Variants in PRKDC observed in about 807,000 individuals in gnomAD.
PRKDC encodes DNA-dependent protein kinase catalytic subunit.
PRKDC carries 82 observed loss-of-function variants against 486.9 expected under a neutral mutation model. That is an observed-to-expected ratio of 0.17 (90% CI 0.14 to 0.20). PRKDC has a LOEUF of 0.20. PRKDC is among the 10% of genes least tolerant of loss of function. The pLI is 1.00. For synonymous variants in PRKDC, 1,895 were observed against 1,837.0 expected (o/e 1.03, Z -0.81); for missense variants, 4,504 against 5,038.2 (o/e 0.89, Z 3.21).
chr8:47,841,969 G>A (rs1045892248), intron 54 of PRKDC, among the ~76,000 whole-genome samples: 4 of 152,110 alleles, frequency 2.6e-5, no homozygotes, highest in African/African-American at 9.7e-5. Context: ...GCACAACCAC[G>A]ACAACATCAC....
In PRKDC at chr8:47,776,966, C is replaced by A; in HGVS notation, c.12060G>T (p.Met4020Ile). 1 of 1,609,770 alleles carries A rather than the reference C, an allele frequency of 6.2e-7. No individual in the cohort carries two copies. Among genetic ancestry groups the A allele is most frequent in the Non-Finnish European group, 8.5e-7 (1 of 1,178,964 alleles). Residue 4020 changes from methionine (M) to isoleucine (I), a missense_variant, in exon 85 of 86, where the codon ATG (methionine) becomes ATT (isoleucine). By Grantham distance (10) the Met-to-Ile change is conservative (BLOSUM62 1). Transcript: ENST00000314191. ...SFDWKNFEQKMLKKGGSWIQE... is the reference protein window; with the variant it reads ...SFDWKNFEQKILKKGGSWIQE... Reference sequence around the variant, plus strand: ...GAATCCATGACCCTCCTTTTTTCAGCATTTTCTGTTCAAAATTCTAGAAGA... The same window carrying A: ...GAATCCATGACCCTCCTTTTTTCAGAATTTTCTGTTCAAAATTCTAGAAGA...
At chr8:47,813,093 A>ATTTATT (rs2087368285) in intron 68 of PRKDC, among the ~76,000 whole-genome samples, 8 of 148,090 alleles carry the variant, frequency 5.4e-5, no homozygotes, top group African/African-American at 1.8e-4. Flanking sequence ...ATAGAATTTT[A>ATTTATT]TATTTATTTA....
In PRKDC at chr8:47,782,249, C is replaced by A; in HGVS notation, c.11402G>T (p.Gly3801Val). 6.2e-7 allele frequency: 1 copy of A among 1,613,760 alleles called. No individual in the cohort carries two copies. Reference sequence around the variant, plus strand: ...AGTATTTTCAAGCCACTCAATTAATCCTAACCTGAAAGGGAGAATAAAAGG... The same window carrying A: ...AGTATTTTCAAGCCACTCAATTAATACTAACCTGAAAGGGAGAATAAAAGG... ...YSVVPMTSRL[G>V]LIEWLENTVT... Residue 3801 changes from glycine (G) to valine (V), a missense_variant, in exon 80 of 86, where the codon GGA (glycine) becomes GTA (valine). Physicochemically the swap from Gly to Val is moderately radical, Grantham distance 109. Coordinates refer to ENST00000314191, the MANE Select transcript of PRKDC (RefSeq NM_006904.7). The surrounding 1 kb of genome is among the most constrained non-coding windows in gnomAD (Gnocchi z 4.9).
Position 47,886,082 on chromosome 8 carries a change from T to C in PRKDC, c.4638A>G (p.Ser1546=), listed in dbSNP as rs2089322528. Residue 1546 remains serine, a synonymous_variant, in exon 36 of 86, where the codon TCA becomes TCG. Transcript: ENST00000314191. ...AVLSTASLGS[S]QGSVIHFSHG... is the part of the protein sequence containing the mutation. The stretch of plus-strand genomic sequence containing the variant: ...GGGAGAAGTGGATGACGCTGCCCTG[T>C]GAGCTGCCCAAGGACGCCGTGGACA... 1 of 1,613,526 alleles carries C rather than the reference T, an allele frequency of 6.2e-7. No individual in the cohort carries two copies. The highest frequency in any genetic ancestry group is 2.2e-5 in the East Asian group (1 of 44,890).
chr8:47,788,534 C>T (rs1018815983), intron 76 of PRKDC, among the ~76,000 whole-genome samples: 1 of 152,150 alleles, frequency 6.6e-6, no homozygotes, highest in East Asian at 1.9e-4. Flanking sequence ...GAACTGTGCC[C>T]CGAACTAAGT....
chr8:47,783,759 C>T lies in PRKDC; in HGVS notation c.11158G>A (p.Ala3720Thr), dbSNP rs370811908. Reference sequence around the variant, plus strand: ...ACACCTACCCGCTCATCAAACCCGGCGATTCGCACGTGGTACTCTGGCAAT... The same window carrying T: ...ACACCTACCCGCTCATCAAACCCGGTGATTCGCACGTGGTACTCTGGCAAT... ...KPLPEYHVRIAGFDERVTVMA... is the reference protein window; with the variant it reads ...KPLPEYHVRITGFDERVTVMA... The change falls in exon 78 of 86, where the codon GCC (alanine) becomes ACC (threonine). Residue 3720 changes from alanine to threonine, a missense_variant. Ala to Thr is a moderately conservative substitution (Grantham distance 58). This residue lies in a region of PRKDC where 706 missense variants were observed against 945.0 expected (regional missense o/e 0.75). Transcript: ENST00000314191. 1.2e-5 allele frequency: 19 copies of T among 1,613,810 alleles called. No homozygotes were observed. Among genetic ancestry groups the T allele is most frequent in the Non-Finnish European group, 1.5e-5 (18 of 1,179,894 alleles).
At chr8:47,877,537 T>C (rs2089115117) in intron 40 of PRKDC, among the ~76,000 whole-genome samples, 187 bp downstream of exon 40, 1 of 152,212 alleles carries the variant, frequency 6.6e-6, no homozygotes, top group African/African-American at 2.4e-5. Context: ...TTTATACTCT[T>C]CCTCTAGCTT....
Position 47,912,478 on chromosome 8 carries a change from G to A in PRKDC, c.2866C>T (p.Pro956Ser). 1 of 1,612,576 alleles carries A rather than the reference G, an allele frequency of 6.2e-7. No homozygotes were observed. Among genetic ancestry groups the A allele is most frequent in the Non-Finnish European group, 8.5e-7 (1 of 1,179,148 alleles). ...TQMPEGGQGA[P>S]PMYQLYKRTF... is the part of the protein sequence containing the mutation. ...CGCTTATAGAGCTGGTACATGGGTG[G>A]GGCTCCCTGTCCCCCTTCTGGCATC... The change falls in exon 25 of 86, where the codon CCA becomes TCA. Residue 956 changes from proline to serine, a missense_variant. This residue lies in a region of PRKDC where 1,969 missense variants were observed against 2,068.9 expected (regional missense o/e 0.95). Coordinates refer to ENST00000314191, the MANE Select transcript of PRKDC (RefSeq NM_006904.7).
chr8:47,898,584 A>G lies in PRKDC; in HGVS notation c.3365-15T>C. 6 of 1,340,880 alleles carry G rather than the reference A, an allele frequency of 4.5e-6. No homozygotes were observed. Among genetic ancestry groups the G allele is most frequent in the Non-Finnish European group, 5.9e-6 (6 of 1,023,340 alleles). The allele number at this position is 1,340,880 out of a possible 1,614,324, so 83.1% of individuals were successfully genotyped here. A position where few individuals can be genotyped will look rare whatever the true frequency, so the allele number is the denominator to read the frequency against. ...TTGAATTGTACCTGTTCTCAAGTACAGAGACATATTTCCAAAGAAGGCATA... is the reference window on the plus strand; with the variant it reads ...TTGAATTGTACCTGTTCTCAAGTACGGAGACATATTTCCAAAGAAGGCATA... On this transcript the variant is annotated splice_polypyrimidine_tract_variant and intron_variant, in intron 28 of 85. Transcript: ENST00000314191.
chr8:47,929,715 T>C (rs1354889477), intron 18 of PRKDC, 138 bp downstream of exon 18: 9 of 1,000,708 alleles, frequency 9.0e-6, no homozygotes, highest in East Asian at 3.0e-5. Flanking sequence ...CATTCACATA[T>C]CAATTTTTTT....
chr8:47,798,089 C>T, intron 73 of PRKDC, 148 bp downstream of exon 73: 1 of 819,782 alleles, frequency 1.2e-6, no homozygotes, highest in South Asian at 3.3e-5. Flanking sequence ...CTTTAAATTA[C>T]CTATGTCCTC....
At chr8:47,934,236 A>C in intron 14 of PRKDC, 146 bp from the exon 15 acceptor site, 1 of 1,055,268 alleles carries the variant, frequency 9.5e-7, no homozygotes, top group Non-Finnish European at 1.3e-6. Flanking sequence ...GTATTAAAAA[A>C]GCATAATTTA....
At position 47,830,595 on chromosome 8, in the gene PRKDC, A is replaced by G; in HGVS notation, c.8397+10T>C. On this transcript the variant is annotated intron_variant, in intron 61 of 85. Transcript: ENST00000314191. ...ACCTGTCAACAGAAAACGCAGCGGC[A>G]AAAACTGACCTGGGCCACGGCCTGT... 1.2e-6 allele frequency: 2 copies of G among 1,612,516 alleles called. No homozygotes were observed. The highest frequency in any genetic ancestry group is 1.7e-6 in the Non-Finnish European group (2 of 1,179,032).
At chr8:47,851,649 G>A (rs2088406807) in intron 52 of PRKDC, among the ~76,000 whole-genome samples, 1 of 152,168 alleles carries the variant, frequency 6.6e-6, no homozygotes, top group East Asian at 1.9e-4. Flanking sequence ...GCAAACTGGA[G>A]AATCATGAAC....
chr8:47,836,597 A>T, intron 57 of PRKDC, 70 bp from the exon 58 acceptor site: 1 of 1,302,768 alleles, frequency 7.7e-7, no homozygotes, highest in East Asian at 2.6e-5. Context: ...AGGAACACTG[A>T]TATATTTCTA....
intron 11 of PRKDC, among the ~76,000 whole-genome samples, chr8:47,937,645 T>C (rs531908126): frequency 6.6e-6 from 1 of 152,280 alleles, no homozygotes; most frequent in Admixed American, 6.5e-5. Flanking sequence ...TTCAGATCCA[T>C]TTCCCCTCTC....
rs8178201 is a variant in PRKDC at position 47,823,710 on chromosome 8, G to A, written c.8922+148C>T. On this transcript the variant is annotated intron_variant, in intron 64 of 85. Coordinates refer to ENST00000314191, the MANE Select transcript of PRKDC (RefSeq NM_006904.7). ...CTAACTTAAGTGAACAACCTATAAG[G>A]AAACCAATTTTCTTCCTCATCAACA... 3.9e-4 allele frequency: 347 copies of A among 899,456 alleles called. No individual in the cohort carries two copies. The African/African-American group carries it at 5.4e-3, about 14-fold the overall frequency. The allele number at this position is 899,456 out of a possible 1,614,324, so 55.7% of individuals were successfully genotyped here.
chr8:47,802,209 T>C (rs956707861), intron 70 of PRKDC, among the ~76,000 whole-genome samples: 13 of 152,180 alleles, frequency 8.5e-5, no homozygotes, highest in Non-Finnish European at 1.5e-4. Flanking sequence ...CCCCAGTAGC[T>C]GGGACTATGG....
In PRKDC at chr8:47,834,681, CCT is replaced by C. The variant is rs1032073010; in HGVS notation, c.7952-287_7952-286del. 5.6e-5 allele frequency among the ~76,000 whole-genome samples: 8 copies of C among 142,498 alleles called. 1 individual carries two copies. Among genetic ancestry groups the C allele is most frequent in the African/African-American group, 2.4e-4 (8 of 33,690 alleles). 93.5% of individuals were successfully genotyped at this position (142,498 alleles called of 152,430 possible). ...TATCTACTGAAAGGTGCTAAGAACC[CCT>C]GACTTTTTTTTTTTTTTTTTTTTTT... On this transcript the variant is annotated intron_variant, in intron 58 of 85. Transcript: ENST00000314191.
Sources: gnomAD v4.1 joint callset for allele counts (sites outside exome capture counted in the v4.1 genomes callset) on GRCh38, gnomAD v4.1.1 for gene constraint, gnomAD v4.1.1 regional missense constraint, Gnocchi (gnomAD v3.1) non-coding constraint, MANE v1.5 for transcripts, NCBI Gene and HGNC (gene_info 2026-07-23, HGNC 2026-07-21) for gene names.